MAP4K3: variants seen among roughly 807,000 people sequenced by gnomAD.
MAP4K3 encodes MAPK/ERK kinase kinase kinase 3.
A neutral mutation model predicts 143.5 loss-of-function variants in MAP4K3; 94 were observed. The ratio of observed to expected loss-of-function variants is 0.65; its 90% CI spans 0.55 to 0.78. The LOEUF is 0.78. Ranked by LOEUF, MAP4K3 falls within the 30% of genes least tolerant of loss-of-function variation. The pLI, the probability that MAP4K3 is intolerant of heterozygous loss-of-function variation, is 0.00. For missense variants in MAP4K3, 1,077 were observed against 1,068.1 expected, an observed-to-expected ratio of 1.01 and a Z score of -0.12; for synonymous variants, 416 against 347.2, an observed-to-expected ratio of 1.20 and a Z score of -2.20.
chr2:39,420,326 T>C (rs1177014046), intron 1 of MAP4K3, among the ~76,000 whole-genome samples: 3 of 152,234 alleles, frequency 2.0e-5, no homozygotes, highest in Non-Finnish European at 4.4e-5. Flanking sequence ...ACTTACAGAA[T>C]AGGTGTTTTA....
At chr2:39,253,482 A>G (rs1680229362) in intron 32 of MAP4K3, among the ~76,000 whole-genome samples, 1 of 152,162 alleles carries the variant, frequency 6.6e-6, no homozygotes, top group Non-Finnish European at 1.5e-5. Context: ...GGCCAAGCAC[A>G]TTACACGCTT....
At chr2:39,432,546 T>C (rs1665322435) in intron 1 of MAP4K3, among the ~76,000 whole-genome samples, 1 of 152,202 alleles carries the variant, frequency 6.6e-6, no homozygotes, top group Admixed American at 6.5e-5. Flanking sequence ...CAAATAACAA[T>C]GTTTGAGCTT....
At chr2:39,305,115 T>A (rs1416444218) in intron 15 of MAP4K3, among the ~76,000 whole-genome samples, 1 of 152,112 alleles carries the variant, frequency 6.6e-6, no homozygotes, top group African/African-American at 2.4e-5. Context: ...GAAGATGAAA[T>A]CATTCTGAAG....
chr2:39,265,258 G>C lies in MAP4K3; in HGVS notation c.2081C>G (p.Thr694Ser). 1 of 1,613,552 alleles carries C rather than the reference G, an allele frequency of 6.2e-7. No individual in the cohort carries two copies. The highest frequency in any genetic ancestry group is 2.2e-5 in the East Asian group (1 of 44,820). Reference protein sequence around the residue: ...GHKYLCGALQTSIVLLEWVEP... With the variant: ...GHKYLCGALQSSIVLLEWVEP... ...AACCCATTCTAATAGAACAATGCTA[G>C]TCTGAAGTGCTCCACATAGGTATTT... Residue 694 changes from threonine to serine, a missense_variant, in exon 28 of 34, where the codon ACT (threonine) becomes AGT (serine). Thr to Ser is a moderately conservative substitution (Grantham distance 58, BLOSUM62 1). Transcript: ENST00000263881.
chr2:39,424,224 G>A (rs535006959), intron 1 of MAP4K3, among the ~76,000 whole-genome samples: 21 of 152,150 alleles, frequency 1.4e-4, no homozygotes, highest in Non-Finnish European at 2.8e-4. Flanking sequence ...GATTACAGGC[G>A]TGAGCCATCG....
chr2:39,325,412 T>G, intron 12 of MAP4K3, 106 bp downstream of exon 12: 2 of 622,592 alleles, frequency 3.2e-6, no homozygotes, highest in Non-Finnish European at 5.4e-6. Flanking sequence ...TTATTTAAAC[T>G]AGGCCCCAAA....
chr2:39,286,337 C>T (rs1573097079), intron 21 of MAP4K3, among the ~76,000 whole-genome samples: 1 of 152,240 alleles, frequency 6.6e-6, no homozygotes, highest in South Asian at 2.1e-4. Context: ...CACTGCTCAC[C>T]TCCTGCTGTG....
intron 7 of MAP4K3, among the ~76,000 whole-genome samples, chr2:39,332,205 T>G (rs535755777): frequency 3.3e-5 from 5 of 152,176 alleles, no homozygotes; most frequent in African/African-American, 1.2e-4. Flanking sequence ...AAGATTCCCA[T>G]ATATCCCCAC....
At chr2:39,391,597 G>A (rs1401342476) in intron 1 of MAP4K3, among the ~76,000 whole-genome samples, 3 of 152,102 alleles carry the variant, frequency 2.0e-5, no homozygotes, top group African/African-American at 7.2e-5. Context: ...AGTAAACACT[G>A]TCTATTCACT....
rs545779423 is a variant in MAP4K3, at chr2:39,423,975, G to A, written c.96+12917C>T. On this transcript the variant is annotated intron_variant, in intron 1 of 33. Coordinates refer to ENST00000263881, the MANE Select transcript of MAP4K3 (RefSeq NM_003618.4). ...ATTTTTTTTTTTGAGACGGAGTCTC[G>A]CTCTGCTGCCCAGGCTGGAGTGCAG... Among the ~76,000 whole-genome samples the A allele has an allele frequency of 6.6e-5, 10 of 151,832 alleles. No homozygotes were observed. In the South Asian group the frequency reaches 1.7e-3, roughly 25 times the overall value.
intron 13 of MAP4K3, among the ~76,000 whole-genome samples, chr2:39,311,919 A>G (rs192513387): frequency 1.3e-3 from 201 of 152,366 alleles, no homozygotes; most frequent in Admixed American, 3.1e-3. Context: ...AGAAATACTA[A>G]AAGGAATTAT....
At position 39,356,800 on chromosome 2, in the gene MAP4K3, G is replaced by A. The variant is rs187653247; in HGVS notation, c.155-461C>T. 7.9e-5 allele frequency among the ~76,000 whole-genome samples: 12 copies of A among 152,136 alleles called. No homozygotes were observed. In the East Asian group the frequency reaches 1.3e-3, roughly 17 times the overall value. On this transcript the variant is annotated intron_variant, in intron 2 of 33. Coordinates refer to ENST00000263881, the MANE Select transcript of MAP4K3 (RefSeq NM_003618.4). ...TTATTATGCCTTGGACATAATCATC[G>A]GTATAATCCATCAATAGGAAATGTA...
chr2:39,264,531 C>T (rs1000546192), intron 28 of MAP4K3, among the ~76,000 whole-genome samples: 2 of 152,148 alleles, frequency 1.3e-5, no homozygotes, highest in African/African-American at 2.4e-5. Context: ...TATATTCCGA[C>T]TCTAATTTCT....
At chr2:39,409,307 A>G (rs1667175165) in intron 1 of MAP4K3, among the ~76,000 whole-genome samples, 1 of 152,232 alleles carries the variant, frequency 6.6e-6, no homozygotes, top group Admixed American at 6.5e-5. Flanking sequence ...TCAACAGTAG[A>G]CTATTAGTGG....
intron 1 of MAP4K3, among the ~76,000 whole-genome samples, chr2:39,415,969 AAAAAAAAAAAAAT>A (rs1667358645): frequency 3.0e-5 from 2 of 65,868 alleles, no homozygotes; most frequent in East Asian, 4.5e-4. Context: ...AAAAAAAAAA[AAAAAAAAAAAAAT>A]ATATATATAT....
At chr2:39,321,384 T>C (rs1480093531) in intron 12 of MAP4K3, among the ~76,000 whole-genome samples, 1 of 152,210 alleles carries the variant, frequency 6.6e-6, no homozygotes, top group Non-Finnish European at 1.5e-5. Flanking sequence ...AAACAGATGC[T>C]TGAAGGCAGC....
chr2:39,263,322 G>C (rs1680639296), intron 28 of MAP4K3, among the ~76,000 whole-genome samples: 2 of 150,090 alleles, frequency 1.3e-5, no homozygotes, highest in Admixed American at 6.6e-5. Context: ...GCCCAGGCGG[G>C]AGTGCAGTGG....
At chr2:39,254,553 T>A in intron 31 of MAP4K3, 33 bp from the exon 32 acceptor site, 1 of 1,576,176 alleles carries the variant, frequency 6.3e-7, no homozygotes, top group Non-Finnish European at 8.7e-7. Flanking sequence ...TTACTGTTAA[T>A]AGTACAAAAG....
intron 1 of MAP4K3, among the ~76,000 whole-genome samples, chr2:39,406,425 A>G (rs1473701652): frequency 6.6e-6 from 1 of 152,214 alleles, no homozygotes; most frequent in Non-Finnish European, 1.5e-5. Context: ...GACTACCTCA[A>G]GACATTGAAT....
Sources: gnomAD v4.1 joint callset for allele counts (sites outside exome capture counted in the v4.1 genomes callset) on GRCh38, gnomAD v4.1.1 for gene constraint, MANE v1.5 for transcripts, NCBI Gene and HGNC (gene_info 2026-07-23, HGNC 2026-07-21) for gene names.